SPMIP5: variants seen among roughly 807,000 people sequenced by gnomAD.
The protein encoded by SPMIP5 is sperm-associated microtubule inner protein 5.
the SPMIP5 span, chr10:116,665,677 C>T: frequency 6.2e-7 from 1 of 1,613,994 alleles, no homozygotes; most frequent in Non-Finnish European, 8.5e-7. Context: ...TCGGAGTTGA[C>T]AGGTTTCAGT....
the SPMIP5 span, chr10:116,664,293 C>G: frequency 1.4e-5 from 21 of 1,517,166 alleles, no homozygotes; most frequent in African/African-American, 1.2e-4. Flanking sequence ...ATAGAAGTCA[C>G]AAAGTTATGG....
the SPMIP5 span, among the ~76,000 whole-genome samples, chr10:116,667,165 G>A: frequency 6.6e-6 from 1 of 152,256 alleles, no homozygotes; most frequent in African/African-American, 2.4e-5. Flanking sequence ...AGAGACAAAG[G>A]GGGAAATGCC....
the SPMIP5 span, chr10:116,664,846 A>ATC: frequency 3.1e-6 from 5 of 1,614,038 alleles, no homozygotes; most frequent in Admixed American, 8.3e-5. Context: ...ATGACAGTGT[A>ATC]TCTCGTGCCA....
chr10:116,665,744 T>G, the SPMIP5 span: 21 of 1,614,060 alleles, frequency 1.3e-5, no homozygotes, highest in African/African-American at 2.4e-4. Flanking sequence ...TATAGCGCTG[T>G]GTTTTCTCCT....
the SPMIP5 span, among the ~76,000 whole-genome samples, chr10:116,666,862 T>C: frequency 6.6e-6 from 1 of 152,240 alleles, no homozygotes; most frequent in African/African-American, 2.4e-5. Flanking sequence ...GAACTACCTT[T>C]ATCGAGTCTC....
At chr10:116,665,039 G>A in the SPMIP5 span, 33 of 1,521,510 alleles carry the variant, frequency 2.2e-5, no homozygotes, top group Non-Finnish European at 2.8e-5. Context: ...GACTTGCCTA[G>A]GGTCTCCTAG....
At chr10:116,667,619 G>T in the SPMIP5 span, among the ~76,000 whole-genome samples, 1 of 152,204 alleles carries the variant, frequency 6.6e-6, no homozygotes, top group Admixed American at 6.5e-5. Context: ...GGAGAGCCAA[G>T]GGTCTGTGGG....
At chr10:116,666,688 C>G in the SPMIP5 span, among the ~76,000 whole-genome samples, 55,265 of 151,882 alleles carry the variant, frequency 0.36, 11,280 homozygotes, top group Middle Eastern at 0.5. Context: ...GTGTTGGAAG[C>G]CTTCCATGCA....
chr10:116,668,608 T>C, the SPMIP5 span, among the ~76,000 whole-genome samples: 1 of 151,956 alleles, frequency 6.6e-6, no homozygotes, highest in Non-Finnish European at 1.5e-5. Flanking sequence ...CCTCCAGCCA[T>C]CCAACAATTG....
chr10:116,665,167 C>T, the SPMIP5 span: 5 of 1,248,282 alleles, frequency 4.0e-6, no homozygotes, highest in East Asian at 1.7e-4. Flanking sequence ...GAGGCTGAGG[C>T]AGGCAGATCA....
the SPMIP5 span, among the ~76,000 whole-genome samples, chr10:116,666,208 C>T: frequency 2.0e-5 from 3 of 152,108 alleles, no homozygotes; most frequent in African/African-American, 4.8e-5. Flanking sequence ...TTATTTTCCT[C>T]GACACTTCCC....
the SPMIP5 span, among the ~76,000 whole-genome samples, chr10:116,668,654 A>G: frequency 3.3e-5 from 5 of 152,042 alleles, no homozygotes; most frequent in African/African-American, 1.2e-4. Flanking sequence ...GAAACATGAT[A>G]GAGGCTGGGA....
At chr10:116,668,972 A>ACAC in the SPMIP5 span, among the ~76,000 whole-genome samples, 12 of 58,946 alleles carry the variant, frequency 2.0e-4, 1 homozygote, top group African/African-American at 8.0e-4. Context: ...CACACACACA[A>ACAC]ACAAGGGAGA....
the SPMIP5 span, among the ~76,000 whole-genome samples, chr10:116,667,371 AGTTTGT>A: frequency 6.6e-6 from 1 of 152,196 alleles, no homozygotes; most frequent in East Asian, 1.9e-4. Flanking sequence ...TAAACCACAT[AGTTTGT>A]GGTAATTTGT....
chr10:116,665,869 C>A, the SPMIP5 span: 1 of 1,545,898 alleles, frequency 6.5e-7, no homozygotes, highest in South Asian at 1.2e-5. Context: ...CAAGACTGGC[C>A]AGCAAGGAAT....
chr10:116,664,991 T>C, the SPMIP5 span: 3 of 1,574,900 alleles, frequency 1.9e-6, no homozygotes, highest in Middle Eastern at 1.8e-4. Flanking sequence ...CTAAAAAATG[T>C]TTTCCACTGA....
At chr10:116,669,851 G>C in the SPMIP5 span, 1 of 152,228 alleles carries the variant, frequency 6.6e-6, no homozygotes, top group Non-Finnish European at 1.5e-5. Context: ...GCGGTGTCCT[G>C]AGAAAGGGGG....
At chr10:116,664,114 G>A in the SPMIP5 span, 2 of 1,613,804 alleles carry the variant, frequency 1.2e-6, no homozygotes, top group Non-Finnish European at 1.7e-6. Context: ...AAAGGCCACT[G>A]CAAACATTTC....
chr10:116,664,127 C>A, the SPMIP5 span: 9 of 1,613,802 alleles, frequency 5.6e-6, no homozygotes, highest in Admixed American at 1.7e-5. Context: ...AACATTTCAT[C>A]CCCTTTTTAA....
Sources: allele counts gnomAD v4.1 joint callset (sites outside exome capture counted in the v4.1 genomes callset), GRCh38; gene constraint gnomAD v4.1.1; transcripts MANE v1.5; gene names NCBI Gene and HGNC (gene_info 2026-07-23, HGNC 2026-07-21).